The following EHD4 variants were observed in gnomAD, a reference collection of about 807,000 sequenced individuals.
EHD4 encodes EH domain-containing protein 4.
A neutral mutation model predicts 51.0 loss-of-function variants in EHD4; 37 were observed. The ratio of observed to expected loss-of-function variants is 0.73; its 90% CI spans 0.56 to 0.95. The LOEUF is 0.95. Ranked by LOEUF, EHD4 falls within the 40% of genes least tolerant of loss-of-function variation. EHD4 has a pLI of 0.00. For synonymous variants in EHD4, 297 were observed against 317.3 expected (o/e 0.94, Z 0.68); for missense variants, 632 against 733.1 (o/e 0.86, Z 1.59).
intron 1 of EHD4, among the ~76,000 whole-genome samples, chr15:41,971,717 G>C (rs1037464896): frequency 1.3e-5 from 2 of 152,222 alleles, no homozygotes; most frequent in Non-Finnish European, 2.9e-5. Flanking sequence ...TGAACTGAAC[G>C]TAGGCGGCCT....
At chr15:41,954,251 C>CA (rs759529785) in intron 1 of EHD4, among the ~76,000 whole-genome samples, 11 of 152,284 alleles carry the variant, frequency 7.2e-5, no homozygotes, top group Admixed American at 4.6e-4. Flanking sequence ...CTGCTGCCAG[C>CA]GTGGTGCTCA....
At chr15:41,922,191 C>T (rs567552524) in intron 3 of EHD4, among the ~76,000 whole-genome samples, 1 of 152,176 alleles carries the variant, frequency 6.6e-6, no homozygotes, top group African/African-American at 2.4e-5. Context: ...GAGTTTGAAA[C>T]CACCTGGCAA....
intron 4 of EHD4, among the ~76,000 whole-genome samples, chr15:41,917,936 G>A (rs544941357): frequency 8.5e-5 from 13 of 152,306 alleles, no homozygotes; most frequent in South Asian, 2.1e-4. Flanking sequence ...TGGGACACAC[G>A]TGACAGAGAG....
rs113165624 is a variant in EHD4 at position 41,900,676 on chromosome 15, G to A, written c.1595C>T (p.Ser532Leu). ...GGCCTTGGGCAGGGACTTCCTGTGC[G>A]AGGGGGGCACGAGGTGGGGGGGCAG... Reference protein sequence around the residue: ...SSLPPHLVPPSHRKSLPKAD With the variant: ...SSLPPHLVPPLHRKSLPKAD The change falls in exon 6 of 6, where the codon TCG (serine) becomes TTG (leucine). Residue 532 changes from serine (S) to leucine (L), a missense_variant. Transcript: ENST00000220325. This position sits in a 1 kb window ranked among gnomAD's most constrained non-coding sequence, Gnocchi z 4.8. The A allele has an allele frequency of 7.1e-5, 114 of 1,602,056 alleles. No individual in the cohort carries two copies. Among genetic ancestry groups the A allele is most frequent in the Admixed American group, 7.0e-4 (42 of 59,944 alleles).
chr15:41,940,111 G>A (rs1595539831), intron 3 of EHD4, among the ~76,000 whole-genome samples: 5 of 152,248 alleles, frequency 3.3e-5, no homozygotes, highest in African/African-American at 7.2e-5. Flanking sequence ...GAGCCACCGC[G>A]CCCAGCCACT....
chr15:41,946,929 G>A, intron 2 of EHD4, among the ~76,000 whole-genome samples: 1 of 152,098 alleles, frequency 6.6e-6, no homozygotes, highest in Non-Finnish European at 1.5e-5. Flanking sequence ...TAATAAAATA[G>A]CACAAACATT....
At chr15:41,926,450 T>A (rs1157120779) in intron 3 of EHD4, among the ~76,000 whole-genome samples, 1 of 152,208 alleles carries the variant, frequency 6.6e-6, no homozygotes, top group Non-Finnish European at 1.5e-5. Context: ...CAGCACTTTC[T>A]GTGTGGCTCT....
chr15:41,925,892 C>T (rs1194982080), intron 3 of EHD4, among the ~76,000 whole-genome samples: 1 of 152,188 alleles, frequency 6.6e-6, no homozygotes, highest in African/African-American at 2.4e-5. Context: ...AGAGAAAGAG[C>T]CACCAGGGAA....
At chr15:41,958,221 C>T (rs972686081) in intron 1 of EHD4, among the ~76,000 whole-genome samples, 1 of 151,822 alleles carries the variant, frequency 6.6e-6, no homozygotes, top group Non-Finnish European at 1.5e-5. Flanking sequence ...CCACTTTGCT[C>T]CCCCTTTCCT....
At chr15:41,961,679 C>T (rs1484466927) in intron 1 of EHD4, among the ~76,000 whole-genome samples, 1 of 152,098 alleles carries the variant, frequency 6.6e-6, no homozygotes, top group Non-Finnish European at 1.5e-5. Flanking sequence ...TAAATGAAAT[C>T]CTTTTAAAAC....
intron 3 of EHD4, among the ~76,000 whole-genome samples, chr15:41,926,565 T>A (rs1482488371): frequency 6.6e-6 from 1 of 152,198 alleles, no homozygotes; most frequent in Non-Finnish European, 1.5e-5. Flanking sequence ...AGTTCCTTCT[T>A]GTCCCCAGGT....
In EHD4 at chr15:41,962,248, G is replaced by A. The variant is rs2067928932; in HGVS notation, c.237-8308C>T. ...GGGATTTTTTTTTGTTTGTTTTGAA[G>A]AACCTAACTAAGAAAGTTCTTCTCA... On this transcript the variant is annotated intron_variant, in intron 1 of 5. Coordinates refer to ENST00000220325, the MANE Select transcript of EHD4 (RefSeq NM_139265.4). Among the ~76,000 whole-genome samples, 6 of 152,094 alleles carry A rather than the reference G, an allele frequency of 3.9e-5. No homozygotes were observed. In the South Asian group the frequency reaches 1.2e-3, roughly 31 times the overall value.
At chr15:41,963,397 G>A (rs976222225) in intron 1 of EHD4, among the ~76,000 whole-genome samples, 1 of 151,476 alleles carries the variant, frequency 6.6e-6, no homozygotes, top group Non-Finnish European at 1.5e-5. Flanking sequence ...TCAGGTGTTC[G>A]AGACCAGCCT....
At chr15:41,972,168 G>A in intron 1 of EHD4, 91 bp downstream of exon 1, 3 of 1,230,242 alleles carry the variant, frequency 2.4e-6, no homozygotes, top group Non-Finnish European at 3.1e-6. Context: ...CGCGCCGGCC[G>A]GGAGGGGCAG....
intron 4 of EHD4, among the ~76,000 whole-genome samples, chr15:41,912,753 A>G (rs890502): frequency 0.47 from 71,398 of 151,922 alleles, 17,398 homozygotes; most frequent in Middle Eastern, 0.59. Flanking sequence ...TAGCATCATG[A>G]AATACTGAAT....
chr15:41,905,243 AG>A (rs1404578499), intron 5 of EHD4, among the ~76,000 whole-genome samples: 1 of 152,202 alleles, frequency 6.6e-6, no homozygotes, highest in Non-Finnish European at 1.5e-5. Context: ...GACAGGCTCC[AG>A]GCTGCCTTGT....
chr15:41,905,200 A>G (rs1595529338), intron 5 of EHD4, among the ~76,000 whole-genome samples: 1 of 152,212 alleles, frequency 6.6e-6, no homozygotes, highest in East Asian at 1.9e-4. Context: ...ACAGCAAGCT[A>G]GCTTGCAGTA....
At chr15:41,929,374 G>A (rs768835972) in intron 3 of EHD4, among the ~76,000 whole-genome samples, 7 of 152,384 alleles carry the variant, frequency 4.6e-5, no homozygotes, top group South Asian at 2.1e-4. Context: ...GGGCAAGGGC[G>A]GGAGAGCCCC....
intron 1 of EHD4, among the ~76,000 whole-genome samples, chr15:41,959,595 C>T (rs1000799531): frequency 6.6e-6 from 1 of 152,056 alleles, no homozygotes; most frequent in African/African-American, 2.4e-5. Context: ...ACTTGATCCA[C>T]TATTTCACTA....
Sources: allele counts gnomAD v4.1 joint callset (sites outside exome capture counted in the v4.1 genomes callset), GRCh38; gene constraint gnomAD v4.1.1; non-coding constraint Gnocchi (gnomAD v3.1); transcripts MANE v1.5; gene names NCBI Gene and HGNC (gene_info 2026-07-23, HGNC 2026-07-21).